The following FCHSD2 variants were observed in gnomAD, a reference collection of about 807,000 sequenced individuals.
FCHSD2 encodes FCH and double SH3 domains 2, also known as F-BAR and double SH3 domains protein 2.
FCHSD2 carries 38 observed loss-of-function variants against 108.1 expected under a neutral mutation model. The ratio of observed to expected loss-of-function variants is 0.35; its 90% confidence interval spans 0.27 to 0.46. The LOEUF is 0.46. FCHSD2 is among the 20% of genes least tolerant of loss of function. The pLI is 1.00. For synonymous variants in FCHSD2, 279 were observed against 314.7 expected, an observed-to-expected ratio of 0.89 and a Z score of 1.20; for missense variants, 751 against 897.8, an observed-to-expected ratio of 0.84 and a Z score of 2.09.
chr11:72,870,953 G>A (rs1240714832), intron 12 of FCHSD2, among the ~76,000 whole-genome samples: 1 of 142,372 alleles, frequency 7.0e-6, no homozygotes, highest in Non-Finnish European at 1.5e-5. Context: ...TGCCTTTATT[G>A]ACTAACTTGT....
chr11:72,936,216 ACC>A (rs1856297423), intron 8 of FCHSD2, among the ~76,000 whole-genome samples: 1 of 152,194 alleles, frequency 6.6e-6, no homozygotes, highest in Non-Finnish European at 1.5e-5. Context: ...TCTATGTTCT[ACC>A]AGAGAATTTC....
intron 3 of FCHSD2, among the ~76,000 whole-genome samples, chr11:73,038,029 A>T (rs1276074202): frequency 6.6e-6 from 1 of 152,218 alleles, no homozygotes; most frequent in Non-Finnish European, 1.5e-5. Context: ...TCCACAAACA[A>T]GTCTTCTGCT....
Position 73,140,114 on chromosome 11 carries a change from T to C in FCHSD2, c.36A>G (p.Gln12=). Residue 12 remains glutamine, a synonymous_variant, in exon 2 of 20, where the codon CAA becomes CAG. Transcript: ENST00000409418. ...GCTCAACTTGAATGTTTTTCAGTTC[T>C]TGTGTAACTTTCACCTAAAATATAC... The part of the protein sequence containing the change: ...QPPPRKVKVT[Q]ELKNIQVEQM... 1.3e-6 allele frequency: 2 copies of C among 1,538,078 alleles called. No homozygotes were observed. Among genetic ancestry groups the C allele is most frequent in the African/African-American group, 1.4e-5 (1 of 72,760 alleles).
At chr11:72,952,410 C>T (rs1469032638) in intron 8 of FCHSD2, among the ~76,000 whole-genome samples, 1 of 151,822 alleles carries the variant, frequency 6.6e-6, no homozygotes, top group Non-Finnish European at 1.5e-5. Context: ...CTGCAACTTC[C>T]GCCTCCCGGG....
intron 8 of FCHSD2, among the ~76,000 whole-genome samples, chr11:72,945,212 T>C (rs1334141720): frequency 6.6e-6 from 1 of 151,998 alleles, no homozygotes; most frequent in Non-Finnish European, 1.5e-5. Flanking sequence ...TATAGACCAA[T>C]GGAACAGAAC....
intron 4 of FCHSD2, among the ~76,000 whole-genome samples, chr11:73,002,934 G>GT (rs1857655988): frequency 2.0e-5 from 3 of 152,194 alleles, no homozygotes; most frequent in African/African-American, 7.2e-5. Flanking sequence ...AGGCAGGGGT[G>GT]TATGTCTTGC....
chr11:73,136,204 G>A (rs189930079), intron 2 of FCHSD2, among the ~76,000 whole-genome samples: 133 of 151,300 alleles, frequency 8.8e-4, no homozygotes, highest in African/African-American at 3.0e-3. Flanking sequence ...GGACGTAATG[G>A]GGAAGAACTA....
intron 2 of FCHSD2, among the ~76,000 whole-genome samples, chr11:73,119,925 G>A (rs2135556780): frequency 6.6e-6 from 1 of 152,316 alleles, no homozygotes; most frequent in East Asian, 1.9e-4. Context: ...ATTTACAAAA[G>A]AAAGAAGTTT....
chr11:72,948,600 T>A (rs1257838941), intron 8 of FCHSD2, among the ~76,000 whole-genome samples: 1 of 152,154 alleles, frequency 6.6e-6, no homozygotes, highest in East Asian at 1.9e-4. Context: ...AGAATATGAG[T>A]GTATTAACAA....
chr11:72,961,807 T>C (rs912164857), intron 8 of FCHSD2, among the ~76,000 whole-genome samples: 3 of 152,240 alleles, frequency 2.0e-5, no homozygotes, highest in Non-Finnish European at 4.4e-5. Flanking sequence ...ACTTAGTTTA[T>C]AAATTGCAAA....
rs543899306 is a variant in FCHSD2, at chr11:73,018,517, CTT to C, written c.166-2634_166-2633del. On this transcript the variant is annotated intron_variant, in intron 3 of 19. Coordinates refer to ENST00000409418, the MANE Select transcript of FCHSD2 (RefSeq NM_014824.3). ...AAGCTCCATCAGGTACAGATCTTGT[CTT>C]TTTTTTTTTTTTTTAATCATTATAT... Among the ~76,000 whole-genome samples the C allele has an allele frequency of 6.5e-3, 895 of 138,130 alleles. 1 individual carries two copies. Among genetic ancestry groups the C allele is most frequent in the African/African-American group, 0.014 (517 of 37,178 alleles). The allele number at this position is 138,130 out of a possible 152,430, so 90.6% of individuals were successfully genotyped here.
intron 8 of FCHSD2, among the ~76,000 whole-genome samples, chr11:72,960,847 C>G (rs1316949694): frequency 2.0e-5 from 3 of 152,100 alleles, no homozygotes; most frequent in Admixed American, 2.0e-4. Flanking sequence ...AAAAAGAATT[C>G]CCAAGTTGTA....
At chr11:73,119,742 T>C (rs1860688354) in intron 2 of FCHSD2, among the ~76,000 whole-genome samples, 4 of 152,334 alleles carry the variant, frequency 2.6e-5, no homozygotes, top group African/African-American at 9.6e-5. Flanking sequence ...CTAGCATACC[T>C]GGCCTAGACA....
intron 2 of FCHSD2, among the ~76,000 whole-genome samples, chr11:73,111,116 T>C (rs543393033): frequency 1.1e-4 from 16 of 152,298 alleles, no homozygotes; most frequent in African/African-American, 3.8e-4. Flanking sequence ...TTGAGAATGA[T>C]CCATGTGCTG....
At chr11:73,119,422 T>C (rs1001249379) in intron 2 of FCHSD2, among the ~76,000 whole-genome samples, 1 of 152,208 alleles carries the variant, frequency 6.6e-6, no homozygotes, top group African/African-American at 2.4e-5. Flanking sequence ...GTGCTTAATA[T>C]ATCCACTTCA....
intron 5 of FCHSD2, among the ~76,000 whole-genome samples, chr11:72,998,359 G>A (rs1421230579): frequency 6.6e-6 from 1 of 152,076 alleles, no homozygotes; most frequent in East Asian, 1.9e-4. Context: ...GGCCAACATG[G>A]TGAAACCCTG....
At chr11:72,969,867 G>A (rs1231873698) in intron 8 of FCHSD2, among the ~76,000 whole-genome samples, 3 of 152,298 alleles carry the variant, frequency 2.0e-5, no homozygotes, top group Non-Finnish European at 4.4e-5. Flanking sequence ...GGTACAACAC[G>A]ACCAAATACA....
intron 3 of FCHSD2, among the ~76,000 whole-genome samples, chr11:73,068,356 G>C (rs1859346701): frequency 6.7e-6 from 1 of 149,406 alleles, no homozygotes; most frequent in South Asian, 2.1e-4. Context: ...GGGGTAGGGT[G>C]GGGTTGGGGG....
intron 2 of FCHSD2, among the ~76,000 whole-genome samples, chr11:73,100,960 CTT>C (rs1860211661): frequency 6.6e-6 from 1 of 151,914 alleles, no homozygotes; most frequent in South Asian, 2.1e-4. Flanking sequence ...CACACAGACC[CTT>C]GTTTTTTACC....
Sources: gnomAD v4.1 joint callset for allele counts (sites outside exome capture counted in the v4.1 genomes callset) on GRCh38, gnomAD v4.1.1 for gene constraint, MANE v1.5 for transcripts, NCBI Gene and HGNC (gene_info 2026-07-23, HGNC 2026-07-21) for gene names.